Variants in PTPRA observed in about 807,000 individuals in gnomAD.
PTPRA encodes receptor-type tyrosine-protein phosphatase alpha.
In PTPRA, 25 loss-of-function variants were observed where a neutral mutation model predicts 104.8. That is an observed-to-expected ratio of 0.24 (90% CI 0.17 to 0.33). The LOEUF (loss-of-function observed/expected upper bound fraction) is 0.33, where lower values mean the gene tolerates loss of function less well. Among genes scored for constraint, PTPRA ranks in the 10% least tolerant of loss-of-function variants. PTPRA has a pLI of 1.00. For synonymous variants in PTPRA, 323 were observed against 368.9 expected, an observed-to-expected ratio of 0.88 and a Z score of 1.43; for missense variants, 765 against 1,015.3, an observed-to-expected ratio of 0.75 and a Z score of 3.35.
At chr20:3,009,070 C>T (rs904003346) in intron 11 of PTPRA, among the ~76,000 whole-genome samples, 1 of 152,082 alleles carries the variant, frequency 6.6e-6, no homozygotes, top group African/African-American at 2.4e-5. Flanking sequence ...TGGATAGAGA[C>T]GACTCGTAGG....
At chr20:2,868,951 A>T (rs2089396403), upstream of PTPRA, among the ~76,000 whole-genome samples, 1 of 152,218 alleles carries the variant, frequency 6.6e-6, no homozygotes, top group Admixed American at 6.5e-5. Context: ...ATCAACAGTG[A>T]TTTCAACTTT....
At chr20:3,008,707 A>T (rs1160122876) in intron 11 of PTPRA, among the ~76,000 whole-genome samples, 2 of 143,442 alleles carry the variant, frequency 1.4e-5, no homozygotes, top group East Asian at 4.8e-4. Context: ...CCTGACCAAG[A>T]TGGTGAAACC....
At chr20:2,923,669 T>G (rs1377807802) in intron 2 of PTPRA, among the ~76,000 whole-genome samples, 2 of 151,968 alleles carry the variant, frequency 1.3e-5, no homozygotes, top group Non-Finnish European at 2.9e-5. Flanking sequence ...TGTGGTGGCA[T>G]GTGCCTGTAA....
chr20:2,874,093 A>C (rs562601849), intron 1 of PTPRA, among the ~76,000 whole-genome samples: 1 of 152,030 alleles, frequency 6.6e-6, no homozygotes, highest in Non-Finnish European at 1.5e-5. Context: ...GAATTTGCTC[A>C]GGTCCATTTA....
intron 1 of PTPRA, among the ~76,000 whole-genome samples, chr20:2,898,736 T>C (rs1343550779): frequency 6.6e-6 from 1 of 151,884 alleles, no homozygotes; most frequent in East Asian, 2.0e-4. Context: ...CACACACCTG[T>C]AGTCCCAGCT....
chr20:2,963,355 A>G (rs2061825834), intron 3 of PTPRA, among the ~76,000 whole-genome samples: 1 of 152,114 alleles, frequency 6.6e-6, no homozygotes, highest in South Asian at 2.1e-4. Flanking sequence ...TAATCCCAGC[A>G]CTTCGGGAGG....
At chr20:2,938,707 C>G (rs1046118248) in intron 2 of PTPRA, among the ~76,000 whole-genome samples, 1 of 152,116 alleles carries the variant, frequency 6.6e-6, no homozygotes, top group Admixed American at 6.5e-5. Context: ...TTTTCTTTTG[C>G]TGTTGAGCCC....
In PTPRA at chr20:2,878,645, G is replaced by A. The variant is rs74486047; in HGVS notation, c.-129+4885G>A. ...CCTTGGACTCTTACTCCCAACCTGG[G>A]CTCACCAAGTCAGAGGATACAGTTT... On this transcript the variant is annotated intron_variant, in intron 1 of 23. Transcript: ENST00000399903. Among the ~76,000 whole-genome samples the A allele has an allele frequency of 9.0e-3, 1,367 of 152,220 alleles. 17 individuals carry two copies. The highest frequency in any genetic ancestry group is 0.014 in the Non-Finnish European group (919 of 68,008).
intron 1 of PTPRA, among the ~76,000 whole-genome samples, chr20:2,914,399 A>G (rs1353548970): frequency 6.6e-6 from 1 of 152,132 alleles, no homozygotes; most frequent in Non-Finnish European, 1.5e-5. Context: ...ATATACATAC[A>G]CAAACATACA....
At position 3,021,318 on chromosome 20, in the gene PTPRA, G is replaced by A. The variant is rs747339207; in HGVS notation, c.1051G>A (p.Ala351Thr). The A allele has an allele frequency of 1.5e-5, 24 of 1,613,896 alleles. No individual in the cohort carries two copies. Among genetic ancestry groups the A allele is most frequent in the East Asian group, 2.2e-5 (1 of 44,894 alleles). The change falls in exon 14 of 24, where the codon GCC becomes ACC. Residue 351 changes from alanine to threonine, a missense_variant. This residue lies in a region of PTPRA where 245 missense variants were observed against 398.7 expected (regional missense o/e 0.61). Coordinates refer to ENST00000399903, the MANE Select transcript of PTPRA (RefSeq NM_001385305.1). ...GTCTTTTTCTTTCCAGTGCAAGTGC[G>A]CCCAGTACTGGCCAGACCAAGGCTG... The part of the protein sequence containing the change: ...NLKERKECKC[A>T]QYWPDQGCWT...
intron 1 of PTPRA, among the ~76,000 whole-genome samples, chr20:2,916,568 C>T (rs1324208644): frequency 6.6e-6 from 1 of 152,102 alleles, no homozygotes; most frequent in Non-Finnish European, 1.5e-5. Context: ...AGTATTTCAT[C>T]ACCAGCCAGC....
At chr20:2,919,441 T>G (rs190465316) in intron 1 of PTPRA, among the ~76,000 whole-genome samples, 42 of 152,312 alleles carry the variant, frequency 2.8e-4, no homozygotes, top group Admixed American at 2.7e-3. Flanking sequence ...TTCTGTGTGT[T>G]TTGAACTAAG....
chr20:3,008,745 C>CAAAAAAAAAAAAAAAAA, intron 11 of PTPRA, among the ~76,000 whole-genome samples: 1 of 99,364 alleles, frequency 1.0e-5, no homozygotes, highest in Non-Finnish European at 2.0e-5. Context: ...AAAAAAAAAA[C>CAAAAAAAAAAAAAAAAA]AAAAAAAAAA....
the PTPRA span, chr20:2,864,463 G>C: frequency 6.2e-7 from 1 of 1,614,192 alleles, no homozygotes. The surrounding 1 kb of genome is among the most constrained non-coding windows in gnomAD (Gnocchi z 5.2). Flanking sequence ...GTACCGACAG[G>C]TGTGTGTAGT....
chr20:2,951,092 G>A (rs6138961), intron 3 of PTPRA, among the ~76,000 whole-genome samples: 2 of 151,486 alleles, frequency 1.3e-5, no homozygotes, highest in South Asian at 2.1e-4. Flanking sequence ...TTGTTTGTTT[G>A]TTTCTTTCTT....
chr20:2,886,865 A>T (rs557680960), intron 1 of PTPRA, among the ~76,000 whole-genome samples: 1 of 146,082 alleles, frequency 6.8e-6, no homozygotes, highest in African/African-American at 2.5e-5. Context: ...TCAAAAAAAA[A>T]AAAGGAAAAG....
chr20:2,883,601 G>A, intron 1 of PTPRA, among the ~76,000 whole-genome samples: 1 of 21,224 alleles, frequency 4.7e-5, no homozygotes, highest in Non-Finnish European at 6.3e-5. Flanking sequence ...GCAGTGAGCC[G>A]AGATCGCGCC....
Position 2,897,040 on chromosome 20 carries a change from CA to C in PTPRA, c.-129+23283del, listed in dbSNP as rs1436060180. 4.6e-5 allele frequency among the ~76,000 whole-genome samples: 7 copies of C among 152,248 alleles called. No individual in the cohort carries two copies. The South Asian group carries it at 8.3e-4, about 18-fold the overall frequency. On this transcript the variant is annotated intron_variant, in intron 1 of 23. Transcript: ENST00000399903. ...GGTTATGCATTTGTGGCAGGAATACCAAAGACACGATATTATGTTCTTCTCA... is the reference window on the plus strand; with the variant it reads ...GGTTATGCATTTGTGGCAGGAATACCAAGACACGATATTATGTTCTTCTCA...
chr20:3,037,412 C>T lies in PTPRA; in HGVS notation c.2334+123C>T. 1.4e-6 allele frequency: 2 copies of T among 1,448,672 alleles called. No homozygotes were observed. Among genetic ancestry groups the T allele is most frequent in the South Asian group, 1.3e-5 (1 of 74,294 alleles). 89.7% of individuals were successfully genotyped at this position (1,448,672 alleles called of 1,614,324 possible). A position where few individuals can be genotyped will look rare whatever the true frequency, so the allele number is the denominator to read the frequency against. ...CTGTCTAAACACAGACCTGCCCTTG[C>T]CCTCCCAAGGTGCCCCAAATACACA... On this transcript the variant is annotated intron_variant, in intron 23 of 23. Coordinates refer to ENST00000399903, the MANE Select transcript of PTPRA (RefSeq NM_001385305.1). This position sits in a 1 kb window ranked among gnomAD's most constrained non-coding sequence, Gnocchi z 4.3.
Sources: gnomAD v4.1 joint callset for allele counts (sites outside exome capture counted in the v4.1 genomes callset) on GRCh38, gnomAD v4.1.1 for gene constraint, gnomAD v4.1.1 regional missense constraint, Gnocchi (gnomAD v3.1) non-coding constraint, MANE v1.5 for transcripts, NCBI Gene and HGNC (gene_info 2026-07-23, HGNC 2026-07-21) for gene names.